The following ARHGAP6 variants were observed in gnomAD, a reference collection of about 807,000 sequenced individuals.
The protein encoded by ARHGAP6 is Rho GTPase activating protein 6.
ARHGAP6 carries 16 observed loss-of-function variants against 55.7 expected under a neutral mutation model. The ratio of observed to expected loss-of-function variants is 0.29; its 90% CI spans 0.19 to 0.44. The LOEUF (loss-of-function observed/expected upper bound fraction) is 0.44. ARHGAP6 is among the 20% of genes least tolerant of loss of function. The pLI, the probability that ARHGAP6 is intolerant of heterozygous loss-of-function variation, is 1.00. For missense variants in ARHGAP6, 698 were observed against 808.9 expected (o/e 0.86, Z 1.66); for synonymous variants, 382 against 360.9 (o/e 1.06, Z -0.66).
chrX:11,552,965 G>A (rs1211336456), intron 1 of ARHGAP6, among the ~76,000 whole-genome samples: 3 of 109,682 alleles, frequency 2.7e-5, no homozygotes, highest in African/African-American at 1.0e-4. Context: ...TAAGAGAGTA[G>A]ATATTAAGTG....
chrX:11,168,464 T>C (rs745548118), intron 9 of ARHGAP6, among the ~76,000 whole-genome samples: 2 of 112,150 alleles, frequency 1.8e-5, no homozygotes, highest in African/African-American at 6.5e-5. Context: ...CACAATCACA[T>C]AGGTAAGACA....
intron 1 of ARHGAP6, among the ~76,000 whole-genome samples, chrX:11,591,478 T>C (rs1423217832): frequency 1.8e-5 from 2 of 110,392 alleles, no homozygotes; most frequent in East Asian, 5.6e-4. Flanking sequence ...ACAACCCAAA[T>C]GTACATCAAG....
At chrX:11,148,794 A>G (rs2045733109) in intron 10 of ARHGAP6, 4 of 323,557 alleles carry the variant, frequency 1.2e-5, no homozygotes, top group South Asian at 5.9e-5. Flanking sequence ...TACCCCAGCA[A>G]GAAGAACTGT....
chrX:11,643,092 C>G (rs1432859329), intron 1 of ARHGAP6, among the ~76,000 whole-genome samples: 1 of 111,349 alleles, frequency 9.0e-6, no homozygotes, highest in East Asian at 2.8e-4. Context: ...AAGCTGTCTA[C>G]TCAACATCAA....
At chrX:11,170,221 T>C (rs1378453434) in intron 8 of ARHGAP6, among the ~76,000 whole-genome samples, 3 of 112,047 alleles carry the variant, frequency 2.7e-5, no homozygotes, top group Non-Finnish European at 5.6e-5. Context: ...TATAAAGCTC[T>C]CAACTCCAAA....
intron 1 of ARHGAP6, among the ~76,000 whole-genome samples, chrX:11,552,953 G>T (rs185939424): frequency 9.1e-6 from 1 of 109,734 alleles, no homozygotes; most frequent in East Asian, 2.9e-4. Context: ...CTTGAAAATA[G>T]CTAAGAGAGT....
chrX:11,380,688 A>T (rs1294081992), intron 1 of ARHGAP6, among the ~76,000 whole-genome samples: 1 of 111,701 alleles, frequency 9.0e-6, no homozygotes, highest in Non-Finnish European at 1.9e-5. Context: ...TCCGTGGAAT[A>T]CATTTTGAGT....
intron 1 of ARHGAP6, among the ~76,000 whole-genome samples, chrX:11,346,753 A>AAGAAAGAAAGAAAGAG (rs1569308827): frequency 9.0e-5 from 10 of 110,553 alleles, no homozygotes; most frequent in Non-Finnish European, 1.9e-4. Context: ...GAAAGAAAGA[A>AAGAAAGAAAGAAAGAG]AGAGAGAAAG....
At chrX:11,422,067 C>T (rs1156803701) in intron 1 of ARHGAP6, among the ~76,000 whole-genome samples, 1 of 111,310 alleles carries the variant, frequency 9.0e-6, no homozygotes, top group African/African-American at 3.3e-5. Context: ...TGGGTCCTTG[C>T]CCTGAATAAA....
chrX:11,536,400 AG>A (rs1210180184), intron 1 of ARHGAP6, among the ~76,000 whole-genome samples: 4 of 111,986 alleles, frequency 3.6e-5, no homozygotes, highest in Non-Finnish European at 7.5e-5. Flanking sequence ...ACTGGCTTAT[AG>A]GGTTCCCTAA....
chrX:11,344,678 C>CAAAAAAA (rs34123570), intron 1 of ARHGAP6, among the ~76,000 whole-genome samples: 67 of 28,255 alleles, frequency 2.4e-3, no homozygotes, highest in Admixed American at 2.8e-3. Context: ...AACTCCATCA[C>CAAAAAAA]AAAAAAAAAA....
At chrX:11,654,128 T>C (rs1201301373) in intron 1 of ARHGAP6, among the ~76,000 whole-genome samples, 1 of 111,676 alleles carries the variant, frequency 9.0e-6, no homozygotes, top group Non-Finnish European at 1.9e-5. Flanking sequence ...ATCAAAGCCC[T>C]TGTTATATTA....
chrX:11,233,661 T>C (rs1267681213), intron 2 of ARHGAP6, among the ~76,000 whole-genome samples: 1 of 112,284 alleles, frequency 8.9e-6, no homozygotes, highest in African/African-American at 3.2e-5. Context: ...CCATTTTTTC[T>C]TTATCTCTCA....
At chrX:11,280,271 A>T (rs959707201) in intron 1 of ARHGAP6, among the ~76,000 whole-genome samples, 2 of 111,730 alleles carry the variant, frequency 1.8e-5, no homozygotes, top group African/African-American at 6.5e-5. Flanking sequence ...AAAGGAGGTT[A>T]TCTCAATCTG....
At chrX:11,524,711 A>AG (rs2050971184) in intron 1 of ARHGAP6, among the ~76,000 whole-genome samples, 1 of 110,870 alleles carries the variant, frequency 9.0e-6, no homozygotes, top group Non-Finnish European at 1.9e-5. Flanking sequence ...CAAGGACCGG[A>AG]GGGGAGGAGG....
At chrX:11,162,178 A>G (rs950064120) in intron 9 of ARHGAP6, among the ~76,000 whole-genome samples, 1 of 110,884 alleles carries the variant, frequency 9.0e-6, no homozygotes, top group Non-Finnish European at 1.9e-5. Flanking sequence ...TATCTTCCCT[A>G]TTGAAAATGG....
intron 1 of ARHGAP6, among the ~76,000 whole-genome samples, chrX:11,417,944 G>A (rs185856307): frequency 4.8e-4 from 54 of 112,167 alleles, no homozygotes; most frequent in Non-Finnish European, 1.3e-4. Context: ...TGTAGAATAA[G>A]CAGGACTCAT....
chrX:11,651,140 T>C (rs2052579421), intron 1 of ARHGAP6, among the ~76,000 whole-genome samples: 1 of 111,571 alleles, frequency 9.0e-6, no homozygotes, highest in African/African-American at 3.3e-5. Flanking sequence ...CCTAGGTTCT[T>C]TAACTTTTAT....
intron 10 of ARHGAP6, among the ~76,000 whole-genome samples, chrX:11,146,667 T>C (rs1366888948): frequency 4.5e-5 from 5 of 112,266 alleles, no homozygotes; most frequent in African/African-American, 6.5e-5. Flanking sequence ...TTAACAACTC[T>C]CCTTTTTCCT....
Sources: allele counts gnomAD v4.1 joint callset (sites outside exome capture counted in the v4.1 genomes callset), GRCh38; gene constraint gnomAD v4.1.1; transcripts MANE v1.5; gene names NCBI Gene and HGNC (gene_info 2026-07-23, HGNC 2026-07-21).